The following POLQ variants were observed in gnomAD, a reference collection of about 807,000 sequenced individuals.
POLQ encodes the protein DNA polymerase theta.
A neutral mutation model predicts 259.2 loss-of-function variants in POLQ; 233 were observed. That is an observed-to-expected ratio of 0.90 (90% CI 0.81 to 1.00). The LOEUF (loss-of-function observed/expected upper bound fraction) is 1.00, where lower values mean the gene tolerates loss of function less well. POLQ is among the 50% of genes least tolerant of loss of function. The probability of loss-of-function intolerance (pLI) is 0.00; values close to 1 mark genes in which losing one functional copy is unlikely to be tolerated. For missense variants in POLQ, 2,871 were observed against 3,051.6 expected, an observed-to-expected ratio of 0.94 and a Z score of 1.39; for synonymous variants, 1,025 against 1,048.8, an observed-to-expected ratio of 0.98 and a Z score of 0.44.
chr3:121,455,969 T>C (rs1199510819), intron 25 of POLQ, among the ~76,000 whole-genome samples: 1 of 152,178 alleles, frequency 6.6e-6, no homozygotes, highest in Non-Finnish European at 1.5e-5. Context: ...TGAACATTGA[T>C]GCAAAAATCC....
intron 22 of POLQ, among the ~76,000 whole-genome samples, chr3:121,471,760 AAAAT>A (rs539806767): frequency 2.4e-4 from 37 of 152,006 alleles, no homozygotes; most frequent in African/African-American, 8.2e-4. Context: ...ACTCTGTCTC[AAAAT>A]AAATAAATAA....
chr3:121,440,301 A>C (rs1396569936), intron 26 of POLQ, among the ~76,000 whole-genome samples, 185 bp from the exon 27 acceptor site: 1 of 152,174 alleles, frequency 6.6e-6, no homozygotes, highest in Non-Finnish European at 1.5e-5. Flanking sequence ...GAAATAAAAG[A>C]GACTTTAGAA....
intron 5 of POLQ, among the ~76,000 whole-genome samples, chr3:121,534,481 G>A (rs533341991): frequency 1.3e-4 from 20 of 152,102 alleles, no homozygotes; most frequent in South Asian, 6.2e-4. Flanking sequence ...GCATCACCAC[G>A]CCCAGCCAAA....
rs148973174 is a variant in POLQ at position 121,460,359 on chromosome 3, T to C, written c.6968-125A>G. On this transcript the variant is annotated intron_variant, in intron 24 of 29. Coordinates refer to ENST00000264233, the MANE Select transcript of POLQ (RefSeq NM_199420.4). ...TCTAACTTAGAACTTTGAAATCACA[T>C]GTCAAAAGTTAAAACCTTCCTCTTA... 5.7e-4 allele frequency: 373 copies of C among 652,208 alleles called. 7 individuals carry two copies. The Admixed American group carries it at 0.01, about 18-fold the overall frequency. 40.4% of individuals were successfully genotyped at this position (652,208 alleles called of 1,614,324 possible). A position where few individuals can be genotyped will look rare whatever the true frequency, so the allele number is the denominator to read the frequency against.
rs772260327 is a variant in POLQ, at chr3:121,509,720, G to T, written c.1817-17C>A. On this transcript the variant is annotated splice_polypyrimidine_tract_variant and intron_variant, in intron 11 of 29. Coordinates refer to ENST00000264233, the MANE Select transcript of POLQ (RefSeq NM_199420.4). ...ACACCTTTCCTGGTTTAGGGTTAGG[G>T]TGAGGAAACAGAGGAACAAACATTC... 2 of 1,597,320 alleles carry T rather than the reference G, an allele frequency of 1.3e-6. No individual in the cohort carries two copies. Among genetic ancestry groups the T allele is most frequent in the South Asian group, 2.3e-5 (2 of 87,868 alleles).
chr3:121,443,147 T>C (rs1025151428), intron 26 of POLQ, among the ~76,000 whole-genome samples: 4 of 128,294 alleles, frequency 3.1e-5, no homozygotes, highest in African/African-American at 8.5e-5. Context: ...TGAGCCACCA[T>C]GCCCAGCCTA....
At chr3:121,506,515 T>C (rs934736658) in intron 12 of POLQ, among the ~76,000 whole-genome samples, 2 of 152,144 alleles carry the variant, frequency 1.3e-5, no homozygotes, top group African/African-American at 2.4e-5. Flanking sequence ...AATGTTCAAA[T>C]TTACTCATAA....
chr3:121,533,743 C>T (rs372108108), intron 5 of POLQ, among the ~76,000 whole-genome samples: 86 of 151,840 alleles, frequency 5.7e-4, no homozygotes, highest in East Asian at 4.5e-3. Flanking sequence ...CTCGAACTCC[C>T]GACCTTGTGA....
chr3:121,461,932 C>G (rs2047795491), intron 24 of POLQ, among the ~76,000 whole-genome samples: 1 of 151,948 alleles, frequency 6.6e-6, no homozygotes, highest in Non-Finnish European at 1.5e-5. Flanking sequence ...AATGAATAAC[C>G]TATTCAAAAA....
intron 27 of POLQ, among the ~76,000 whole-genome samples, chr3:121,438,694 ATAAT>A (rs2108773438): frequency 6.6e-6 from 1 of 152,304 alleles, no homozygotes; most frequent in South Asian, 2.1e-4. Context: ...TGAAACCTAA[ATAAT>A]TAAGTATATC....
intron 25 of POLQ, among the ~76,000 whole-genome samples, chr3:121,457,115 G>C (rs888431529): frequency 3.6e-4 from 54 of 152,064 alleles, no homozygotes; most frequent in Non-Finnish European, 6.3e-4. Flanking sequence ...ACAAACCTGA[G>C]AAAAACAAGC....
rs572179224 is a variant in POLQ, at chr3:121,494,091, T to G, written c.2279-370A>C. On this transcript the variant is annotated intron_variant, in intron 14 of 29. Transcript: ENST00000264233. ...ACTCTTAAAAACATGTAAAGGTCTCTCTCTTCCCGCCACCCAAGATGCCGA... is the reference window on the plus strand; with the variant it reads ...ACTCTTAAAAACATGTAAAGGTCTCGCTCTTCCCGCCACCCAAGATGCCGA... 25 of 692,012 alleles carry G rather than the reference T, an allele frequency of 3.6e-5. No individual in the cohort carries two copies. In the East Asian group the frequency reaches 6.7e-4, roughly 19 times the overall value. The allele number at this position is 692,012 out of a possible 1,614,324, so 42.9% of individuals were successfully genotyped here.
At chr3:121,503,637 G>A (rs2048189102) in intron 12 of POLQ, among the ~76,000 whole-genome samples, 1 of 152,100 alleles carries the variant, frequency 6.6e-6, no homozygotes, top group African/African-American at 2.4e-5. Context: ...ATCTGTGGGG[G>A]ACTGGTTCCA....
rs1012254305 is a variant in POLQ, at chr3:121,485,045, A to G, written c.5769T>C (p.His1923=). ...AGCCAAATACTCATTACTTACCAGA[A>G]TGCTTTTGTTCCTTCTGCAGTGAAA... ...YYFSLQKEQK[H]SEISASLVPP... The change falls in exon 17 of 30, where the codon CAT becomes CAC. Residue 1923 remains histidine, a synonymous_variant. Coordinates refer to ENST00000264233, the MANE Select transcript of POLQ (RefSeq NM_199420.4). 5 of 1,609,380 alleles carry G rather than the reference A, an allele frequency of 3.1e-6. No individual in the cohort carries two copies. The highest frequency in any genetic ancestry group is 3.4e-5 in the Admixed American group (2 of 58,832).
chr3:121,443,983 T>C (rs1006538180), intron 26 of POLQ, among the ~76,000 whole-genome samples: 16 of 152,212 alleles, frequency 1.1e-4, no homozygotes, highest in Non-Finnish European at 1.8e-4. Flanking sequence ...TTTTGGTTAC[T>C]ATATGTCTGT....
chr3:121,516,716 C>T (rs966832603), intron 9 of POLQ, among the ~76,000 whole-genome samples: 18 of 152,126 alleles, frequency 1.2e-4, no homozygotes, highest in Admixed American at 9.8e-4. Context: ...AATAAAACAC[C>T]ATGTGCTGTC....
At chr3:121,445,481 T>C (rs1486681139) in intron 26 of POLQ, among the ~76,000 whole-genome samples, 1 of 152,206 alleles carries the variant, frequency 6.6e-6, no homozygotes, top group Non-Finnish European at 1.5e-5. Flanking sequence ...TGCTGTCTCC[T>C]TTTTCATTTC....
chr3:121,459,369 A>T (rs1384244649), intron 25 of POLQ, among the ~76,000 whole-genome samples: 6 of 104,748 alleles, frequency 5.7e-5, no homozygotes, highest in Admixed American at 1.3e-4. Flanking sequence ...GACTAGAAAG[A>T]TTTTTTTTTT....
intron 26 of POLQ, among the ~76,000 whole-genome samples, chr3:121,443,539 T>A (rs113007378): frequency 0.011 from 1,675 of 152,332 alleles, 11 homozygotes; most frequent in Middle Eastern, 0.024. Flanking sequence ...TTTCTCCCAT[T>A]CTGTGGGCTG....
Sources: allele counts gnomAD v4.1 joint callset (sites outside exome capture counted in the v4.1 genomes callset), GRCh38; gene constraint gnomAD v4.1.1; transcripts MANE v1.5; gene names NCBI Gene and HGNC (gene_info 2026-07-23, HGNC 2026-07-21).